Variants in RNF7 observed in about 807,000 individuals in gnomAD.
RNF7 encodes the protein RING-box protein 2.
A neutral mutation model predicts 17.0 loss-of-function variants in RNF7; 9 were observed. That is an observed-to-expected ratio of 0.53 (90% CI 0.32 to 0.92). The LOEUF is 0.92. Ranked by LOEUF, RNF7 falls within the 40% of genes least tolerant of loss-of-function variation. The pLI, the probability that RNF7 is intolerant of heterozygous loss-of-function variation, is 0.04. For synonymous variants in RNF7, 59 were observed against 50.5 expected, an observed-to-expected ratio of 1.17 and a Z score of -0.72; for missense variants, 87 against 145.8, an observed-to-expected ratio of 0.60 and a Z score of 2.08.
chr3:141,742,841 C>G, intron 1 of RNF7: 2 of 1,166,016 alleles, frequency 1.7e-6, no homozygotes, highest in African/African-American at 1.7e-5. Context: ...GAGGAACTCT[C>G]AAGTGTCTTA....
Position 141,738,360 on chromosome 3 carries a change from G to T in RNF7, c.19G>T (p.Gly7Ter). 6.3e-7 allele frequency: 1 copy of T among 1,580,774 alleles called. No homozygotes were observed. The highest frequency in any genetic ancestry group is 8.6e-7 in the Non-Finnish European group (1 of 1,163,800). The change falls in exon 1 of 3, where the codon GGA becomes TGA. Residue 7 changes from glycine (G) to a stop codon, truncating the protein, a stop_gained. Coordinates refer to ENST00000273480, the MANE Select transcript of RNF7 (RefSeq NM_014245.5). LOFTEE classifies it high-confidence loss of function. The part of the protein sequence containing the change: MADVED[G>*]EETCALASHS... ...CGCCGCCATGGCCGACGTGGAAGAC[G>T]GAGAGGAAACCTGCGCCCTGGCCTC...
intron 2 of RNF7, 58 bp downstream of exon 2, chr3:141,743,614 T>TTCA (rs2084443326): frequency 8.1e-7 from 1 of 1,227,684 alleles, no homozygotes; most frequent in Admixed American, 2.1e-5. Context: ...TCAGTAGGGA[T>TTCA]GTTTGAATTT....
At chr3:141,741,354 A>T (rs2084415016) in intron 1 of RNF7, among the ~76,000 whole-genome samples, 1 of 152,078 alleles carries the variant, frequency 6.6e-6, no homozygotes, top group East Asian at 1.9e-4. Flanking sequence ...CACAGAGGAG[A>T]TAGTAATTGT....
At chr3:141,742,547 A>G (rs2084431284) in intron 1 of RNF7, 1 of 1,027,628 alleles carries the variant, frequency 9.7e-7, no homozygotes, top group Non-Finnish European at 1.3e-6. Context: ...GTTTAGGGAT[A>G]TCTAGTATTT....
At chr3:141,740,111 C>G (rs1297077461) in intron 1 of RNF7, among the ~76,000 whole-genome samples, 1 of 151,912 alleles carries the variant, frequency 6.6e-6, no homozygotes, top group Non-Finnish European at 1.5e-5. Context: ...GCCCCTACCC[C>G]CACTTAGGAA....
chr3:141,743,037 C>A, intron 1 of RNF7: 1 of 399,606 alleles, frequency 2.5e-6, no homozygotes, highest in Non-Finnish European at 3.5e-6. Context: ...TGAAAACTCT[C>A]CTTCCCATTC....
Position 141,738,375 on chromosome 3 carries a change from G to A in RNF7, c.34G>A (p.Ala12Thr), listed in dbSNP as rs759352977. Reference protein sequence around the residue: ...ADVEDGEETCALASHSGSSGS... With the variant: ...ADVEDGEETCTLASHSGSSGS... ...CGTGGAAGACGGAGAGGAAACCTGC[G>A]CCCTGGCCTCTCACTCCGGGAGCTC... The change falls in exon 1 of 3, where the codon GCC (alanine) becomes ACC (threonine). Residue 12 changes from alanine (A) to threonine (T), a missense_variant. This residue lies in a region of RNF7 where 51 missense variants were observed against 41.0 expected (regional missense o/e 1.24). Transcript: ENST00000273480. 4.4e-6 allele frequency: 7 copies of A among 1,591,932 alleles called. No individual in the cohort carries two copies. The East Asian group carries it at 1.4e-4, about 31-fold the overall frequency.
At chr3:141,744,302 C>T (rs1236176919) in intron 2 of RNF7, among the ~76,000 whole-genome samples, 1 of 152,110 alleles carries the variant, frequency 6.6e-6, no homozygotes, top group East Asian at 1.9e-4. Flanking sequence ...CTTCCTACCC[C>T]CTGTAGCCAA....
intron 1 of RNF7, among the ~76,000 whole-genome samples, chr3:141,741,020 A>C (rs1297997435): frequency 6.6e-6 from 1 of 152,212 alleles, no homozygotes; most frequent in African/African-American, 2.4e-5. Context: ...ACAGTGAGCA[A>C]GTGCTGATGA....
At chr3:141,740,940 C>T (rs2084409821) in intron 1 of RNF7, among the ~76,000 whole-genome samples, 1 of 152,162 alleles carries the variant, frequency 6.6e-6, no homozygotes, top group South Asian at 2.1e-4. Flanking sequence ...CCTGTCAGCC[C>T]ATTCTGATAT....
rs2084376994 is a variant in RNF7, at chr3:141,738,325, G to C, written c.-17G>C. 6.5e-7 allele frequency: 1 copy of C among 1,538,222 alleles called. No individual in the cohort carries two copies. Among genetic ancestry groups the C allele is most frequent in the Non-Finnish European group, 8.8e-7 (1 of 1,139,130 alleles). Reference sequence around the variant, plus strand: ...TCCCCAAGCCAACGTCTCCGCCGTCGGCTCCGCGGCGCCGCCATGGCCGAC... The same window carrying C: ...TCCCCAAGCCAACGTCTCCGCCGTCCGCTCCGCGGCGCCGCCATGGCCGAC... On this transcript the variant is annotated 5_prime_UTR_variant, in exon 1 of 3. Transcript: ENST00000273480.
chr3:141,738,583 G>A, intron 1 of RNF7, 67 bp downstream of exon 1: 1 of 1,481,752 alleles, frequency 6.7e-7, no homozygotes, highest in South Asian at 1.3e-5. Flanking sequence ...GGTTGGGAAG[G>A]GACGGGCGTC....
At position 141,741,954 on chromosome 3, in the gene RNF7, T is replaced by G. The variant is rs1158115001; in HGVS notation, c.176-1555T>G. 3.9e-5 allele frequency among the ~76,000 whole-genome samples: 6 copies of G among 152,134 alleles called. No individual in the cohort carries two copies. In the East Asian group the frequency reaches 1.2e-3, roughly 29 times the overall value. ...CTTTACCATTGTTGGGTAAATACTT[T>G]GGGCTCAGACTTATCTGTATTTTCT... On this transcript the variant is annotated intron_variant, in intron 1 of 2. Transcript: ENST00000273480.
rs2084380518 is a variant in RNF7 at position 141,738,494 on chromosome 3, C to CA, written c.154dup (p.Ile52AsnfsTer12). 6.2e-7 allele frequency: 1 copy of CA among 1,613,438 alleles called. No individual in the cohort carries two copies. The highest frequency in any genetic ancestry group is 8.5e-7 in the Non-Finnish European group (1 of 1,179,704). On this transcript the variant is annotated frameshift_variant, in exon 1 of 3. Transcript: ENST00000273480. LOFTEE classifies it high-confidence loss of function. ...GGGACGTGGAGTGCGATACGTGCGCCATCTGCAGGGTCCAGGTGATGGGTA... is the reference window on the plus strand; with the variant it reads ...GGGACGTGGAGTGCGATACGTGCGCCAATCTGCAGGGTCCAGGTGATGGGTA...
chr3:141,747,128 C>T lies in RNF7; in HGVS notation c.*1851C>T, dbSNP rs1032012572. On this transcript the variant is annotated 3_prime_UTR_variant, in exon 3 of 3. Coordinates refer to ENST00000273480, the MANE Select transcript of RNF7 (RefSeq NM_014245.5). ...TCCACACAGCAAAACCACAGTCCCGCCACCTAACAAAGCCCTGTTTATGCC... is the reference window on the plus strand; with the variant it reads ...TCCACACAGCAAAACCACAGTCCCGTCACCTAACAAAGCCCTGTTTATGCC... 1 of 152,194 alleles carries T rather than the reference C, an allele frequency of 6.6e-6. No individual in the cohort carries two copies. The highest frequency in any genetic ancestry group is 2.4e-5 in the African/African-American group (1 of 41,420). 9.4% of individuals were successfully genotyped at this position (152,194 alleles called of 1,614,324 possible).
In RNF7 at chr3:141,742,666, T is replaced by G. The variant is rs771836531; in HGVS notation, c.176-843T>G. 1.5e-5 allele frequency: 17 copies of G among 1,153,738 alleles called. No homozygotes were observed. The Admixed American group carries it at 3.2e-4, about 22-fold the overall frequency. 71.5% of individuals were successfully genotyped at this position (1,153,738 alleles called of 1,614,324 possible). A position where few individuals can be genotyped will look rare whatever the true frequency, so the allele number is the denominator to read the frequency against. On this transcript the variant is annotated intron_variant, in intron 1 of 2. Coordinates refer to ENST00000273480, the MANE Select transcript of RNF7 (RefSeq NM_014245.5). The stretch of plus-strand genomic sequence containing the variant: ...CAGATGAGGGAATTGGAGTTCGTAA[T>G]TGGTCCGAGGCCCTGAACCTAATAA...
At chr3:141,739,026 C>A (rs2084387571) in intron 1 of RNF7, among the ~76,000 whole-genome samples, 1 of 152,124 alleles carries the variant, frequency 6.6e-6, no homozygotes, top group Non-Finnish European at 1.5e-5. Flanking sequence ...ACCCTTAGTT[C>A]TCCTCGAGGG....
chr3:141,745,467 C>A lies in RNF7; in HGVS notation c.*190C>A. ...CAGTTTTATCTTCAGAAATTCTCTG[C>A]GATTAAGAAGATAATTTATTAAAGG... On this transcript the variant is annotated 3_prime_UTR_variant, in exon 3 of 3. Coordinates refer to ENST00000273480, the MANE Select transcript of RNF7 (RefSeq NM_014245.5). The A allele has an allele frequency of 2.5e-6, 1 of 395,238 alleles. No homozygotes were observed. Among genetic ancestry groups the A allele is most frequent in the African/African-American group, 2.1e-5 (1 of 48,096 alleles). 24.5% of individuals were successfully genotyped at this position (395,238 alleles called of 1,614,324 possible).
rs1577901482 is a variant in RNF7, at chr3:141,745,494, G to T, written c.*217G>T. ...ATTAAGAAGATAATTTATTAAAGGT[G>T]GTCCTTCCTACCTCTGTGGTGTGTG... On this transcript the variant is annotated 3_prime_UTR_variant, in exon 3 of 3. Transcript: ENST00000273480. 3 of 338,974 alleles carry T rather than the reference G, an allele frequency of 8.9e-6. No homozygotes were observed. The highest frequency in any genetic ancestry group is 4.5e-5 in the South Asian group (1 of 22,102). 21.0% of individuals were successfully genotyped at this position (338,974 alleles called of 1,614,324 possible).
Sources: allele counts gnomAD v4.1 joint callset (sites outside exome capture counted in the v4.1 genomes callset), GRCh38; gene constraint gnomAD v4.1.1; regional missense constraint gnomAD v4.1.1; transcripts MANE v1.5; gene names NCBI Gene and HGNC (gene_info 2026-07-23, HGNC 2026-07-21).